ATP8A2: variants seen among roughly 807,000 people sequenced by gnomAD.
ATP8A2 encodes phospholipid-transporting ATPase IB.
Under a neutral mutation model 165.6 loss-of-function variants are expected in ATP8A2, and 100 were observed. The observed-to-expected ratio is 0.60, with a 90% CI of 0.51 to 0.71. ATP8A2 has a LOEUF of 0.71. Among genes scored for constraint, ATP8A2 ranks in the 30% least tolerant of loss-of-function variants. The pLI, the probability that ATP8A2 is intolerant of heterozygous loss-of-function variation, is 0.00. For synonymous variants in ATP8A2, 543 were observed against 548.8 expected (o/e 0.99, Z 0.15); for missense variants, 1,227 against 1,479.5 (o/e 0.83, Z 2.80).
At chr13:25,913,572 T>G (rs306417) in intron 33 of ATP8A2, among the ~76,000 whole-genome samples, 143,631 of 152,186 alleles carry the variant, frequency 0.94, 68,152 homozygotes, top group Non-Finnish European at 1. Context: ...AGCGTGGGGT[T>G]CATGCCACTG....
chr13:25,468,445 C>T (rs1400927214), intron 1 of ATP8A2, among the ~76,000 whole-genome samples: 2 of 152,198 alleles, frequency 1.3e-5, no homozygotes, highest in African/African-American at 2.4e-5. Context: ...GGTGTGCTTT[C>T]GCCATCTCCT....
intron 33 of ATP8A2, among the ~76,000 whole-genome samples, chr13:25,906,590 C>A (rs898898718): frequency 6.6e-6 from 1 of 152,150 alleles, no homozygotes; most frequent in Non-Finnish European, 1.5e-5. Flanking sequence ...CTCTCTCCCC[C>A]TCTTGCCGTA....
At chr13:25,789,146 G>A (rs921430768) in intron 27 of ATP8A2, among the ~76,000 whole-genome samples, 3 of 152,116 alleles carry the variant, frequency 2.0e-5, no homozygotes, top group African/African-American at 7.2e-5. Flanking sequence ...AATGTTAACT[G>A]TGTCAATGCT....
intron 24 of ATP8A2, among the ~76,000 whole-genome samples, chr13:25,665,313 G>A (rs9553643): frequency 0.21 from 32,453 of 152,058 alleles, 3,600 homozygotes; most frequent in Admixed American, 0.25. Flanking sequence ...TAGGTCAAAG[G>A]TGGGCATGGT....
At chr13:25,849,153 A>G (rs998128492) in intron 30 of ATP8A2, among the ~76,000 whole-genome samples, 10 of 152,286 alleles carry the variant, frequency 6.6e-5, no homozygotes, top group Admixed American at 6.5e-4. Flanking sequence ...ATGTCTTGGC[A>G]GATGTCTTGG....
rs373029155 is a variant in ATP8A2 at position 25,583,266 on chromosome 13, A to T, written c.2146+1309A>T. Among the ~76,000 whole-genome samples, 49 of 152,252 alleles carry T rather than the reference A, an allele frequency of 3.2e-4. No homozygotes were observed. The East Asian group carries it at 7.9e-3, about 25-fold the overall frequency. On this transcript the variant is annotated intron_variant, in intron 23 of 36. Transcript: ENST00000381655. ...ATTTTTCATATAAGTTTGGCCTAAA[A>T]CACCTGCTATGGATCTGTGGCCCCT...
chr13:25,716,478 T>C (rs940349264), intron 25 of ATP8A2, among the ~76,000 whole-genome samples: 5 of 152,196 alleles, frequency 3.3e-5, no homozygotes, highest in Non-Finnish European at 5.9e-5. Context: ...TTCATCTCCT[T>C]TTAGTTAGTT....
intron 24 of ATP8A2, among the ~76,000 whole-genome samples, chr13:25,602,327 A>C (rs1023264847): frequency 6.6e-6 from 1 of 152,034 alleles, no homozygotes; most frequent in Non-Finnish European, 1.5e-5. Flanking sequence ...GGAGGGGAGA[A>C]GCTGCTGTGT....
intron 33 of ATP8A2, among the ~76,000 whole-genome samples, chr13:25,934,550 A>C (rs1954837288): frequency 6.6e-6 from 1 of 152,232 alleles, no homozygotes; most frequent in Admixed American, 6.5e-5. Flanking sequence ...TCATCTACCA[A>C]ATGAAGGATA....
At chr13:25,611,649 A>T (rs2040690485) in intron 24 of ATP8A2, among the ~76,000 whole-genome samples, 1 of 152,086 alleles carries the variant, frequency 6.6e-6, no homozygotes. Context: ...TTAGGGTGAC[A>T]CTGGCTTTAT....
rs115571129 is a variant in ATP8A2, at chr13:25,596,378, A to C, written c.2211+6679A>C. On this transcript the variant is annotated intron_variant, in intron 24 of 36. Coordinates refer to ENST00000381655, the MANE Select transcript of ATP8A2 (RefSeq NM_016529.6). ...TGGTGATATATTTTGACAAATGTAT[A>C]TAAGCATGTAATCACCACCCCATTT... Among the ~76,000 whole-genome samples, 775 of 152,378 alleles carry C rather than the reference A, an allele frequency of 5.1e-3. 8 individuals carry two copies. Among genetic ancestry groups the C allele is most frequent in the African/African-American group, 0.018 (750 of 41,594 alleles).
intron 24 of ATP8A2, among the ~76,000 whole-genome samples, chr13:25,693,598 G>A (rs945746168): frequency 1.3e-5 from 2 of 152,128 alleles, no homozygotes; most frequent in Non-Finnish European, 2.9e-5. Flanking sequence ...CAAGCAAAAT[G>A]TAACTCAAAG....
chr13:25,985,527 T>G (rs1478501335), intron 35 of ATP8A2, among the ~76,000 whole-genome samples: 1 of 152,208 alleles, frequency 6.6e-6, no homozygotes, highest in African/African-American at 2.4e-5. Flanking sequence ...CTTGTTTAAT[T>G]TGAACGTCCC....
intron 1 of ATP8A2, among the ~76,000 whole-genome samples, chr13:25,381,763 A>C (rs2032845468): frequency 6.6e-6 from 1 of 152,120 alleles, no homozygotes; most frequent in Non-Finnish European, 1.5e-5. Flanking sequence ...GCGTGGGTAT[A>C]GAGTGTGGCT....
intron 2 of ATP8A2, among the ~76,000 whole-genome samples, chr13:25,528,346 A>G (rs1593464890): frequency 6.6e-6 from 1 of 152,230 alleles, no homozygotes; most frequent in East Asian, 1.9e-4. Context: ...GTTGCTAAAA[A>G]TGATTTTGTC....
At chr13:25,669,229 A>G (rs1396647183) in intron 24 of ATP8A2, among the ~76,000 whole-genome samples, 1 of 152,062 alleles carries the variant, frequency 6.6e-6, no homozygotes, top group Non-Finnish European at 1.5e-5. Context: ...CCATCTGTTT[A>G]GTGATTTTTC....
chr13:25,605,938 C>A (rs541985510), intron 24 of ATP8A2, among the ~76,000 whole-genome samples: 1 of 152,264 alleles, frequency 6.6e-6, no homozygotes, highest in Non-Finnish European at 1.5e-5. Context: ...TATATTCACA[C>A]ACACTTAACA....
At chr13:25,881,752 A>T (rs1952985853) in intron 33 of ATP8A2, among the ~76,000 whole-genome samples, 1 of 152,078 alleles carries the variant, frequency 6.6e-6, no homozygotes, top group Admixed American at 6.5e-5. Context: ...AACCCCTGCT[A>T]CTCAAAGTGT....
intron 33 of ATP8A2, among the ~76,000 whole-genome samples, chr13:25,935,712 A>G (rs1019178646): frequency 6.6e-6 from 1 of 152,136 alleles, no homozygotes; most frequent in African/African-American, 2.4e-5. Flanking sequence ...AGAGGGCACC[A>G]AGCCATTAGT....
Sources: gnomAD v4.1 joint callset for allele counts (sites outside exome capture counted in the v4.1 genomes callset) on GRCh38, gnomAD v4.1.1 for gene constraint, MANE v1.5 for transcripts, NCBI Gene and HGNC (gene_info 2026-07-23, HGNC 2026-07-21) for gene names.